Variants in STPG2 observed in about 807,000 individuals in gnomAD.
The protein encoded by STPG2 is sperm tail PG-rich repeat containing 2.
Under a neutral mutation model 54.2 loss-of-function variants are expected in STPG2, and 56 were observed. That is an observed-to-expected ratio of 1.03 (90% CI 0.83 to 1.29). The LOEUF (loss-of-function observed/expected upper bound fraction) is 1.29, where lower values mean the gene tolerates loss of function less well. Among genes scored for constraint, STPG2 ranks in the 50% most tolerant of loss-of-function variants. The probability of loss-of-function intolerance (pLI) is 0.00; values close to 1 mark genes in which losing one functional copy is unlikely to be tolerated. For missense variants in STPG2, 596 were observed against 544.9 expected (o/e 1.09, Z -0.93); for synonymous variants, 200 against 181.8 (o/e 1.10, Z -0.81).
chr4:97,453,535 C>G (rs941440687), intron 4 of STPG2, among the ~76,000 whole-genome samples: 1 of 152,190 alleles, frequency 6.6e-6, no homozygotes, highest in Non-Finnish European at 1.5e-5. Flanking sequence ...CTCAAAGATC[C>G]TGTGACAATG....
intron 4 of STPG2, among the ~76,000 whole-genome samples, chr4:97,496,661 T>C (rs1034244755): frequency 5.3e-5 from 8 of 151,922 alleles, no homozygotes; most frequent in South Asian, 4.1e-4. Context: ...TAGGCATCTG[T>C]ACAGCTTAGC....
intron 8 of STPG2, among the ~76,000 whole-genome samples, chr4:97,875,903 T>G (rs770319421): frequency 6.6e-6 from 1 of 151,916 alleles, no homozygotes; most frequent in African/African-American, 2.4e-5. Context: ...TGATGGGACA[T>G]ATTAGAAAGA....
intron 8 of STPG2, among the ~76,000 whole-genome samples, chr4:97,923,729 G>A (rs1732222587): frequency 6.6e-6 from 1 of 152,246 alleles, no homozygotes; most frequent in African/African-American, 2.4e-5. Context: ...CTAGCTCAAG[G>A]TTTGTAAATG....
At chr4:97,667,805 A>G (rs1722574194) in intron 10 of STPG2, among the ~76,000 whole-genome samples, 1 of 152,176 alleles carries the variant, frequency 6.6e-6, no homozygotes, top group African/African-American at 2.4e-5. Context: ...TTACTCTTCA[A>G]AAGTTCCCAG....
intron 10 of STPG2, among the ~76,000 whole-genome samples, chr4:97,682,822 C>T (rs1261980010): frequency 1.3e-5 from 2 of 151,680 alleles, no homozygotes; most frequent in Non-Finnish European, 3.0e-5. Context: ...GTCCTTGGTG[C>T]TAACCATTAC....
intron 9 of STPG2, among the ~76,000 whole-genome samples, chr4:97,807,549 A>C (rs1163447405): frequency 1.3e-5 from 2 of 152,022 alleles, no homozygotes; most frequent in Non-Finnish European, 2.9e-5. Flanking sequence ...CATTATTCAA[A>C]CAGCAGATTA....
intron 9 of STPG2, among the ~76,000 whole-genome samples, chr4:97,736,986 A>T (rs964405070): frequency 9.2e-5 from 14 of 152,140 alleles, no homozygotes; most frequent in Non-Finnish European, 1.8e-4. Context: ...GACACCTCAC[A>T]CGGCCGGGTA....
At chr4:97,555,187 T>C (rs1324713579), downstream of STPG2, among the ~76,000 whole-genome samples, 1 of 152,198 alleles carries the variant, frequency 6.6e-6, no homozygotes, top group Non-Finnish European at 1.5e-5. Context: ...CCTTCTTTCT[T>C]TGTTTCAGAG....
At chr4:98,044,462 T>C (rs1490619033) in intron 5 of STPG2, among the ~76,000 whole-genome samples, 1 of 152,154 alleles carries the variant, frequency 6.6e-6, no homozygotes, top group Non-Finnish European at 1.5e-5. Flanking sequence ...TTTCTAGATT[T>C]TCTCTACCTT....
intron 9 of STPG2, among the ~76,000 whole-genome samples, chr4:97,825,962 T>A (rs1728246419): frequency 6.6e-6 from 1 of 152,216 alleles, no homozygotes. Context: ...GGTCATAAAC[T>A]GATTCTTTGA....
At chr4:97,587,345 T>G (rs909694367) in intron 10 of STPG2, among the ~76,000 whole-genome samples, 3 of 152,008 alleles carry the variant, frequency 2.0e-5, no homozygotes, top group Non-Finnish European at 4.4e-5. Flanking sequence ...CACATTACTT[T>G]GGACCAACAG....
chr4:97,692,471 A>G (rs778770974), intron 10 of STPG2, among the ~76,000 whole-genome samples: 78 of 152,286 alleles, frequency 5.1e-4, no homozygotes, highest in Middle Eastern at 3.4e-3. Flanking sequence ...AAGGCTTTCA[A>G]ATTAACCCAA....
chr4:97,546,909 A>T (rs560858345), intron 4 of STPG2, among the ~76,000 whole-genome samples: 1 of 152,304 alleles, frequency 6.6e-6, no homozygotes, highest in East Asian at 1.9e-4. Flanking sequence ...ACAACAGAGG[A>T]AGCATATGAG....
At chr4:97,737,270 G>A (rs945086813) in intron 9 of STPG2, among the ~76,000 whole-genome samples, 2 of 152,166 alleles carry the variant, frequency 1.3e-5, no homozygotes, top group African/African-American at 4.8e-5. Context: ...AAAAAACAGA[G>A]CAGAAAAACT....
rs188468266 is a variant in STPG2 at position 97,930,812 on chromosome 4, G to A, written c.1044+13085C>T. 3.4e-3 allele frequency among the ~76,000 whole-genome samples: 519 copies of A among 152,200 alleles called. 2 individuals are homozygous for A. Among genetic ancestry groups the A allele is most frequent in the African/African-American group, 0.012 (492 of 41,528 alleles). On this transcript the variant is annotated intron_variant, in intron 8 of 10. Transcript: ENST00000295268. ...ATATTGATTCTTCCTATCCATGAGC[G>A]TGGTATGTTTTTCTATTTGTTTGTG... is the stretch of plus-strand genomic sequence containing the variant.
chr4:97,887,756 G>T (rs2149171576), intron 8 of STPG2, among the ~76,000 whole-genome samples: 1 of 152,316 alleles, frequency 6.6e-6, no homozygotes, highest in Non-Finnish European at 1.5e-5. Context: ...TAATAGTAAA[G>T]ACAATGAAAA....
In STPG2 at chr4:98,106,050, T is replaced by C. The variant is rs1221692179; in HGVS notation, c.515A>G (p.Tyr172Cys). The change falls in exon 5 of 11, where the codon TAT becomes TGT. Residue 172 changes from tyrosine to cysteine, a missense_variant. Tyr to Cys is a radical substitution (Grantham distance 194, BLOSUM62 -2). Transcript: ENST00000295268. ...QYDIVQKKTS[Y>C]YENVNIKRDQ... ...TCTCTTGATGTTAACATTTTCATAA[T>C]ATGATGTCTTTTTCCTTCAGAAAAT... 4 of 1,476,310 alleles carry C rather than the reference T, an allele frequency of 2.7e-6. No individual in the cohort carries two copies. Among genetic ancestry groups the C allele is most frequent in the African/African-American group, 1.4e-5 (1 of 70,300 alleles). 91.5% of individuals were successfully genotyped at this position (1,476,310 alleles called of 1,614,324 possible). A position where few individuals can be genotyped will look rare whatever the true frequency, so the allele number is the denominator to read the frequency against.
intron 9 of STPG2, among the ~76,000 whole-genome samples, chr4:97,797,393 A>G (rs551070892): frequency 5.3e-5 from 8 of 152,284 alleles, no homozygotes; most frequent in African/African-American, 1.9e-4. Context: ...AGTTTTTAGC[A>G]TGAAGGGCTG....
chr4:98,000,245 CTCTT>C (rs1735373014), intron 5 of STPG2, among the ~76,000 whole-genome samples: 1 of 151,994 alleles, frequency 6.6e-6, no homozygotes, highest in African/African-American at 2.4e-5. Flanking sequence ...ATTCAGCATC[CTCTT>C]TCTGTTATGT....
Sources: gnomAD v4.1 joint callset for allele counts (sites outside exome capture counted in the v4.1 genomes callset) on GRCh38, gnomAD v4.1.1 for gene constraint, MANE v1.5 for transcripts, NCBI Gene and HGNC (gene_info 2026-07-23, HGNC 2026-07-21) for gene names.